Variants in CNTN5 observed in about 807,000 individuals in gnomAD.
CNTN5 encodes the protein contactin-5.
CNTN5 carries 77 observed loss-of-function variants against 129.1 expected under a neutral mutation model. The observed-to-expected ratio is 0.60, with a 90% CI of 0.50 to 0.72. The LOEUF (loss-of-function observed/expected upper bound fraction) is 0.72, where lower values mean the gene tolerates loss of function less well. CNTN5 is among the 30% of genes least tolerant of loss of function. The pLI is 0.00. For synonymous variants in CNTN5, 509 were observed against 465.6 expected (o/e 1.09, Z -1.20); for missense variants, 1,478 against 1,328.8 (o/e 1.11, Z -1.75).
chr11:99,471,745 G>T (rs1945183323), intron 2 of CNTN5, among the ~76,000 whole-genome samples: 1 of 151,796 alleles, frequency 6.6e-6, no homozygotes, highest in South Asian at 2.1e-4. Flanking sequence ...AATAAGTTTT[G>T]TGTTCTTCAA....
intron 13 of CNTN5, among the ~76,000 whole-genome samples, chr11:100,171,591 T>C (rs1264116434): frequency 6.6e-6 from 1 of 152,034 alleles, no homozygotes; most frequent in Non-Finnish European, 1.5e-5. Flanking sequence ...GTGTTTTTAC[T>C]GAAAAAGTTA....
intron 2 of CNTN5, among the ~76,000 whole-genome samples, chr11:99,398,122 C>T (rs1300382952): frequency 6.6e-6 from 1 of 151,894 alleles, no homozygotes; most frequent in East Asian, 1.9e-4. Flanking sequence ...TTCCTTAACG[C>T]CAGTTACACA....
intron 1 of CNTN5, among the ~76,000 whole-genome samples, chr11:99,263,791 A>ATT (rs72228089): frequency 8.1e-5 from 12 of 147,788 alleles, no homozygotes; most frequent in South Asian, 4.3e-4. Context: ...CCAGCTATTA[A>ATT]TTTTTTTTTT....
chr11:99,366,663 G>C (rs1939462274), intron 2 of CNTN5, among the ~76,000 whole-genome samples: 1 of 152,188 alleles, frequency 6.6e-6, no homozygotes, highest in African/African-American at 2.4e-5. Flanking sequence ...CTGCATCTTG[G>C]TAAATGCTTC....
chr11:99,594,643 G>A (rs901554592), intron 3 of CNTN5, among the ~76,000 whole-genome samples: 2 of 152,196 alleles, frequency 1.3e-5, no homozygotes, highest in African/African-American at 4.8e-5. Context: ...GTGAAAAGAA[G>A]TACTTTAGTC....
intron 2 of CNTN5, among the ~76,000 whole-genome samples, chr11:99,336,270 A>C (rs1866218970): frequency 6.6e-6 from 1 of 152,200 alleles, no homozygotes; most frequent in Admixed American, 6.5e-5. Context: ...TATAGCTTGG[A>C]TAAACAACCT....
intron 8 of CNTN5, among the ~76,000 whole-genome samples, chr11:99,984,116 A>G (rs1250419904): frequency 1.3e-5 from 2 of 152,074 alleles, no homozygotes; most frequent in Non-Finnish European, 2.9e-5. Flanking sequence ...AAAAATACAC[A>G]CAAAAAATTT....
intron 7 of CNTN5, among the ~76,000 whole-genome samples, chr11:99,919,251 A>G (rs997702815): frequency 3.2e-3 from 6 of 1,868 alleles, no homozygotes; most frequent in African/African-American, 3.5e-3. Context: ...TAATCTCTCA[A>G]CTTGTGTGGC....
intron 3 of CNTN5, among the ~76,000 whole-genome samples, chr11:99,811,117 G>T (rs931562587): frequency 6.6e-6 from 1 of 152,082 alleles, no homozygotes; most frequent in Non-Finnish European, 1.5e-5. Context: ...TGTGGGTGTT[G>T]CTCACTCTTC....
rs369129730 is a variant in CNTN5 at position 100,071,751 on chromosome 11, A to G, written c.1346A>G (p.Asn449Ser). The change falls in exon 12 of 25, where the codon AAT (asparagine) becomes AGT (serine). Residue 449 changes from asparagine (N) to serine (S), a missense_variant. By Grantham distance (46) the Asn-to-Ser change is conservative. Transcript: ENST00000524871. Reference sequence around the variant, plus strand: ...GGAGTATTGATGATCCACAATGTGAATCAATCAGATGCTGGAATGTATCAG... The same window carrying G: ...GGAGTATTGATGATCCACAATGTGAGTCAATCAGATGCTGGAATGTATCAG... ...VNGVLMIHNVNQSDAGMYQCL... is the reference protein window; with the variant it reads ...VNGVLMIHNVSQSDAGMYQCL... 2.4e-5 allele frequency: 38 copies of G among 1,601,612 alleles called. No individual in the cohort carries two copies. The highest frequency in any genetic ancestry group is 3.2e-5 in the Non-Finnish European group (37 of 1,173,044).
intron 3 of CNTN5, among the ~76,000 whole-genome samples, chr11:99,645,916 GC>G (rs1951943383): frequency 6.6e-6 from 1 of 151,942 alleles, no homozygotes. Flanking sequence ...TGCAAGTTTT[GC>G]ACATGTATCC....
chr11:99,382,180 T>G (rs184534324), intron 2 of CNTN5, among the ~76,000 whole-genome samples: 1 of 152,216 alleles, frequency 6.6e-6, no homozygotes, highest in Admixed American at 6.5e-5. Flanking sequence ...CCAGGAAAGA[T>G]AATAGCATCC....
At chr11:99,207,451 G>T (rs1393257110) in intron 1 of CNTN5, among the ~76,000 whole-genome samples, 3 of 152,128 alleles carry the variant, frequency 2.0e-5, no homozygotes, top group African/African-American at 7.2e-5. Flanking sequence ...CTGCTGGATT[G>T]CCTGCAATGA....
intron 9 of CNTN5, among the ~76,000 whole-genome samples, chr11:100,020,044 CAT>C (rs902168919): frequency 2.6e-5 from 4 of 151,820 alleles, no homozygotes; most frequent in Non-Finnish European, 5.9e-5. Flanking sequence ...AAATCTTTAT[CAT>C]ATATATGATT....
chr11:99,878,745 C>T (rs1948697387), intron 6 of CNTN5, among the ~76,000 whole-genome samples: 1 of 152,004 alleles, frequency 6.6e-6, no homozygotes, highest in African/African-American at 2.4e-5. Flanking sequence ...AGTCCCGCTA[C>T]TAGGGAGGCT....
At chr11:99,870,573 A>T (rs1948478125) in intron 6 of CNTN5, among the ~76,000 whole-genome samples, 1 of 152,138 alleles carries the variant, frequency 6.6e-6, no homozygotes, top group African/African-American at 2.4e-5. Context: ...TAACAATTTC[A>T]ATTATAAGTT....
At chr11:99,522,362 T>A (rs780834271) in intron 2 of CNTN5, among the ~76,000 whole-genome samples, 4 of 152,164 alleles carry the variant, frequency 2.6e-5, no homozygotes, top group Admixed American at 2.0e-4. Context: ...TAAATCTAAT[T>A]TGAAGTATCA....
intron 7 of CNTN5, among the ~76,000 whole-genome samples, chr11:99,947,761 T>C (rs1950584305): frequency 6.6e-6 from 1 of 152,174 alleles, no homozygotes; most frequent in Non-Finnish European, 1.5e-5. Flanking sequence ...GGACAATTTA[T>C]AAAACACTTA....
At chr11:99,658,585 C>A (rs2250400) in intron 3 of CNTN5, among the ~76,000 whole-genome samples, 1 of 151,502 alleles carries the variant, frequency 6.6e-6, no homozygotes, top group Non-Finnish European at 1.5e-5. Flanking sequence ...TAAATGTAAC[C>A]AGTGGGCCTA....
Sources: allele counts gnomAD v4.1 joint callset (sites outside exome capture counted in the v4.1 genomes callset), GRCh38; gene constraint gnomAD v4.1.1; transcripts MANE v1.5; gene names NCBI Gene and HGNC (gene_info 2026-07-23, HGNC 2026-07-21).